The following EPHB1 variants were observed in gnomAD, a reference collection of about 807,000 sequenced individuals.
EPHB1 encodes EPH receptor B1, also known as ephrin type-B receptor 1.
In EPHB1, 30 loss-of-function variants were observed where a neutral mutation model predicts 94.4. The ratio of observed to expected loss-of-function variants is 0.32; its 90% CI spans 0.24 to 0.43. The LOEUF (loss-of-function observed/expected upper bound fraction) is 0.43. Ranked by LOEUF, EPHB1 falls within the 20% of genes least tolerant of loss-of-function variation. EPHB1 has a pLI of 1.00. For missense variants in EPHB1, 1,055 were observed against 1,308.3 expected (o/e 0.81, Z 2.99); for synonymous variants, 522 against 489.1 (o/e 1.07, Z -0.89).
At position 134,909,197 on chromosome 3, in the gene EPHB1, C is replaced by T. The variant is rs538371285; in HGVS notation, c.59-16619C>T. On this transcript the variant is annotated intron_variant, in intron 1 of 15. Transcript: ENST00000398015. ...GAATGCTCAGGAGGTCCTGGCCTCT[C>T]ATAATCTGAAGGGATGCCATGGAGA... 2.6e-5 allele frequency among the ~76,000 whole-genome samples: 4 copies of T among 152,054 alleles called. No homozygotes were observed. The South Asian group carries it at 8.3e-4, about 32-fold the overall frequency.
chr3:135,186,303 T>C (rs1407974242), intron 10 of EPHB1, among the ~76,000 whole-genome samples: 1 of 152,180 alleles, frequency 6.6e-6, no homozygotes, highest in African/African-American at 2.4e-5. Context: ...TCTGAGGAAC[T>C]CTGATGAAAG....
chr3:134,982,152 T>C (rs1222634900), intron 3 of EPHB1, among the ~76,000 whole-genome samples: 2 of 152,336 alleles, frequency 1.3e-5, no homozygotes, highest in Admixed American at 1.3e-4. Context: ...ATTACACTTA[T>C]CTTTAATGCT....
chr3:134,982,977 G>A (rs1934464008), intron 3 of EPHB1, among the ~76,000 whole-genome samples: 1 of 152,184 alleles, frequency 6.6e-6, no homozygotes, highest in African/African-American at 2.4e-5. Flanking sequence ...TGTTTTCCAC[G>A]ATTACTCTGT....
intron 5 of EPHB1, among the ~76,000 whole-genome samples, chr3:135,133,586 A>G (rs1431966402): frequency 6.6e-6 from 1 of 152,188 alleles, no homozygotes; most frequent in Non-Finnish European, 1.5e-5. Context: ...TATTACCTTC[A>G]TTTTCCAATT....
intron 3 of EPHB1, among the ~76,000 whole-genome samples, chr3:135,074,267 TATC>T (rs1937831067): frequency 1.3e-5 from 2 of 152,240 alleles, no homozygotes. Context: ...AGTGTTTAAA[TATC>T]ATCATGAGCT....
intron 3 of EPHB1, among the ~76,000 whole-genome samples, chr3:135,002,630 T>C (rs920926792): frequency 1.3e-5 from 2 of 152,074 alleles, no homozygotes; most frequent in Non-Finnish European, 2.9e-5. Context: ...TTGCCACAAC[T>C]TCAGATCCTG....
At chr3:135,033,796 C>T (rs1172540994) in intron 3 of EPHB1, among the ~76,000 whole-genome samples, 6 of 152,148 alleles carry the variant, frequency 3.9e-5, no homozygotes, top group Non-Finnish European at 8.8e-5. Context: ...TAGCTCTTTT[C>T]GTATTGCATG....
At chr3:135,121,615 G>C (rs1423021399) in intron 4 of EPHB1, among the ~76,000 whole-genome samples, 1 of 152,110 alleles carries the variant, frequency 6.6e-6, no homozygotes, top group Non-Finnish European at 1.5e-5. Context: ...CTTTCAGCAG[G>C]AAGTGCTCTG....
chr3:134,897,376 AG>A (rs1210391409), intron 1 of EPHB1, among the ~76,000 whole-genome samples: 2 of 152,178 alleles, frequency 1.3e-5, no homozygotes, highest in Admixed American at 6.5e-5. Context: ...TGGTGGGCAA[AG>A]AAAGGGCCAG....
At chr3:134,848,079 C>T (rs1180786049) in intron 1 of EPHB1, among the ~76,000 whole-genome samples, 1 of 152,204 alleles carries the variant, frequency 6.6e-6, no homozygotes, top group Non-Finnish European at 1.5e-5. Flanking sequence ...TCCACCCTAG[C>T]CCACATTCAT....
intron 1 of EPHB1, among the ~76,000 whole-genome samples, chr3:134,809,383 A>T (rs73227049): frequency 0.02 from 1,992 of 100,088 alleles, 39 homozygotes; most frequent in African/African-American, 0.052. Context: ...TTTTTTTTTT[A>T]AAAAAACACA....
At chr3:134,939,462 C>G (rs1387718779) in intron 2 of EPHB1, among the ~76,000 whole-genome samples, 1 of 152,202 alleles carries the variant, frequency 6.6e-6, no homozygotes, top group Non-Finnish European at 1.5e-5. Flanking sequence ...CTGGTGCTCA[C>G]AGCCCTCAGG....
At chr3:135,128,656 A>T (rs1940302588) in intron 4 of EPHB1, among the ~76,000 whole-genome samples, 1 of 152,162 alleles carries the variant, frequency 6.6e-6, no homozygotes, top group South Asian at 2.1e-4. Flanking sequence ...TATTTAAAAT[A>T]ATTTCATTTA....
rs539498594 is a variant in EPHB1 at position 134,883,273 on chromosome 3, G to A, written c.59-42543G>A. Among the ~76,000 whole-genome samples, 39 of 152,340 alleles carry A rather than the reference G, an allele frequency of 2.6e-4. No homozygotes were observed. In the South Asian group the frequency reaches 4.6e-3, roughly 18 times the overall value. On this transcript the variant is annotated intron_variant, in intron 1 of 15. Coordinates refer to ENST00000398015, the MANE Select transcript of EPHB1 (RefSeq NM_004441.5). Reference sequence around the variant, plus strand: ...CTGGAAACATATCCAAACATAACATGAAGAAATGAGGACAGTCTGAGACAA... The same window carrying A: ...CTGGAAACATATCCAAACATAACATAAAGAAATGAGGACAGTCTGAGACAA...
In EPHB1 at chr3:135,052,997, ATG is replaced by A. The variant is rs1246498295; in HGVS notation, c.806-53443_806-53442del. Among the ~76,000 whole-genome samples the A allele has an allele frequency of 6.7e-3, 669 of 100,134 alleles. 34 individuals are homozygous for A. In the Admixed American group the frequency reaches 0.078, roughly 12 times the overall value. The allele number at this position is 100,134 out of a possible 152,430, so 65.7% of individuals were successfully genotyped here. ...TGTATATATATGTGTGTGTATATAT[ATG>A]TGTGTGTATATATATGTGTGTGTGT... On this transcript the variant is annotated intron_variant, in intron 3 of 15. Coordinates refer to ENST00000398015, the MANE Select transcript of EPHB1 (RefSeq NM_004441.5).
At chr3:134,890,454 T>G (rs938827701) in intron 1 of EPHB1, among the ~76,000 whole-genome samples, 1 of 152,240 alleles carries the variant, frequency 6.6e-6, no homozygotes, top group Non-Finnish European at 1.5e-5. Flanking sequence ...TGAAAATTGA[T>G]GTATGCAGTT....
At chr3:135,170,019 ACCAT>A (rs2107701106) in intron 9 of EPHB1, among the ~76,000 whole-genome samples, 1 of 152,316 alleles carries the variant, frequency 6.6e-6, no homozygotes, top group East Asian at 1.9e-4. Flanking sequence ...CTATATCTGG[ACCAT>A]CCACAGGCAT....
chr3:135,149,101 C>T (rs1023573802), intron 5 of EPHB1, among the ~76,000 whole-genome samples: 5 of 152,198 alleles, frequency 3.3e-5, no homozygotes, highest in Admixed American at 6.5e-5. Flanking sequence ...CGGGCACTGC[C>T]TCTTTAGACC....
chr3:135,234,712 T>C (rs895116760), intron 12 of EPHB1, among the ~76,000 whole-genome samples: 1 of 152,208 alleles, frequency 6.6e-6, no homozygotes, highest in African/African-American at 2.4e-5. Flanking sequence ...AAACTTGTCC[T>C]TCTTCACGTG....
Sources: gnomAD v4.1 joint callset for allele counts (sites outside exome capture counted in the v4.1 genomes callset) on GRCh38, gnomAD v4.1.1 for gene constraint, MANE v1.5 for transcripts, NCBI Gene and HGNC (gene_info 2026-07-23, HGNC 2026-07-21) for gene names.